Variants in INSR observed in about 807,000 individuals in gnomAD.
INSR encodes the protein insulin receptor.
In INSR, 67 loss-of-function variants were observed where a neutral mutation model predicts 142.6. That is an observed-to-expected ratio of 0.47 (90% CI 0.39 to 0.58). INSR has a LOEUF of 0.58. Among genes scored for constraint, INSR ranks in the 20% least tolerant of loss-of-function variants. The pLI is 0.00. For synonymous variants in INSR, 756 were observed against 743.1 expected (o/e 1.02, Z -0.28); for missense variants, 1,248 against 1,833.2 (o/e 0.68, Z 5.83).
Position 7,143,197 on chromosome 19 carries a change from G to A in INSR, c.2268-107C>T, listed in dbSNP as rs576105592. ...GATTAAGAAGAAAGATCAGAGCGCA[G>A]GAGGGTGCAGCAATGGGGAACATGG... On this transcript the variant is annotated intron_variant, in intron 11 of 21. Transcript: ENST00000302850. The A allele has an allele frequency of 4.5e-5, 57 of 1,274,666 alleles. No individual in the cohort carries two copies. The Admixed American group carries it at 6.0e-4, about 13-fold the overall frequency. The allele number at this position is 1,274,666 out of a possible 1,614,324, so 79.0% of individuals were successfully genotyped here. A position where few individuals can be genotyped will look rare whatever the true frequency, so the allele number is the denominator to read the frequency against.
In INSR at chr19:7,128,876, C is replaced by A. The variant is rs1338633408; in HGVS notation, c.2921G>T (p.Ser974Ile). 2 of 1,613,576 alleles carry A rather than the reference C, an allele frequency of 1.2e-6. No individual in the cohort carries two copies. Among genetic ancestry groups the A allele is most frequent in the East Asian group, 2.2e-5 (1 of 44,898 alleles). ...CCTCTTTCTCAGGAATAGATAAATA[C>A]TTCCAATCACAACACTGAAGAGAAA... ...FVFLFSVVIGSIYLFLRKRQP... is the reference protein window; with the variant it reads ...FVFLFSVVIGIIYLFLRKRQP... The change falls in exon 15 of 22, where the codon AGT becomes ATT. Residue 974 changes from serine (S) to isoleucine (I), a missense_variant. Ser to Ile is a moderately radical substitution (Grantham distance 142). This residue lies in a region of INSR where 1,069 missense variants were observed against 1,654.0 expected (regional missense o/e 0.65). Transcript: ENST00000302850.
intron 1 of INSR, 79 bp downstream of exon 1, chr19:7,293,713 C>A: frequency 8.5e-7 from 1 of 1,178,726 alleles, no homozygotes; most frequent in Non-Finnish European, 1.1e-6. Flanking sequence ...AGTCCACAAG[C>A]GGGGGCTCGA....
intron 2 of INSR, among the ~76,000 whole-genome samples, chr19:7,253,517 C>T (rs1412974058): frequency 1.3e-5 from 2 of 152,040 alleles, no homozygotes; most frequent in Non-Finnish European, 2.9e-5. Context: ...GGATTACAGG[C>T]GTGTGCCTGG....
At chr19:7,289,018 G>C (rs946721814) in intron 1 of INSR, among the ~76,000 whole-genome samples, 1 of 151,318 alleles carries the variant, frequency 6.6e-6, no homozygotes, top group African/African-American at 2.4e-5. Flanking sequence ...TGGGAAGAGA[G>C]AGCCAACATC....
At chr19:7,152,553 G>A in intron 10 of INSR, 173 bp downstream of exon 10, 1 of 699,642 alleles carries the variant, frequency 1.4e-6, no homozygotes, top group Non-Finnish European at 2.6e-6. Context: ...AATTCCCCTC[G>A]AAATTTCGAA....
intron 11 of INSR, among the ~76,000 whole-genome samples, chr19:7,148,882 C>T (rs576021902): frequency 3.5e-4 from 53 of 150,634 alleles, no homozygotes; most frequent in African/African-American, 4.9e-4. Flanking sequence ...GCAAGCTCCG[C>T]GTCCCAGGTT....
chr19:7,210,916 G>C (rs1334800327), intron 2 of INSR, among the ~76,000 whole-genome samples: 8 of 151,196 alleles, frequency 5.3e-5, no homozygotes, highest in Admixed American at 5.3e-4. Flanking sequence ...TTTTAGTAGA[G>C]ACAGGGTTTC....
intron 9 of INSR, among the ~76,000 whole-genome samples, chr19:7,161,236 G>A (rs1382033084): frequency 6.8e-6 from 1 of 148,148 alleles, no homozygotes; most frequent in Non-Finnish European, 1.5e-5. Context: ...TGCACTTAAT[G>A]CCTTTTTTTT....
chr19:7,250,156 CGAAAGAAAAGAAA>C (rs1568217681), intron 2 of INSR, among the ~76,000 whole-genome samples: 1 of 138,756 alleles, frequency 7.2e-6, no homozygotes, highest in African/African-American at 2.7e-5. Context: ...AAGACCCTGT[CGAAAGAAAAGAAA>C]GAAAGAAAAG....
chr19:7,137,541 A>G (rs1231953984), intron 13 of INSR, among the ~76,000 whole-genome samples: 1 of 152,080 alleles, frequency 6.6e-6, no homozygotes, highest in Non-Finnish European at 1.5e-5. Flanking sequence ...TAATCCCAGC[A>G]CTTTGGGATG....
chr19:7,208,650 G>A (rs1330817403), intron 2 of INSR, among the ~76,000 whole-genome samples: 1 of 151,776 alleles, frequency 6.6e-6, no homozygotes, highest in Non-Finnish European at 1.5e-5. Flanking sequence ...CGGGTGGATC[G>A]CTTGAGCCCA....
intron 5 of INSR, among the ~76,000 whole-genome samples, chr19:7,171,890 A>G (rs1974022429): frequency 6.6e-6 from 1 of 151,554 alleles, no homozygotes; most frequent in African/African-American, 2.4e-5. Flanking sequence ...GATTTTTAAA[A>G]AATCCTTAAG....
chr19:7,202,148 T>G (rs939247296), intron 2 of INSR, among the ~76,000 whole-genome samples: 2 of 152,234 alleles, frequency 1.3e-5, no homozygotes, highest in African/African-American at 4.8e-5. Context: ...CAGTGGAAAC[T>G]TGGCTCGTGC....
At chr19:7,231,112 T>C (rs1030373851) in intron 2 of INSR, among the ~76,000 whole-genome samples, 4 of 152,094 alleles carry the variant, frequency 2.6e-5, no homozygotes, top group African/African-American at 9.7e-5. Flanking sequence ...AAACTCACAA[T>C]TGCCCACTTA....
chr19:7,182,911 A>G (rs1294897886), intron 3 of INSR, among the ~76,000 whole-genome samples: 1 of 151,496 alleles, frequency 6.6e-6, no homozygotes, highest in Non-Finnish European at 1.5e-5. Context: ...CACTGGCCAA[A>G]AAAAAAAAAA....
chr19:7,253,661 C>T (rs1976802588), intron 2 of INSR, among the ~76,000 whole-genome samples: 1 of 152,158 alleles, frequency 6.6e-6, no homozygotes, highest in African/African-American at 2.4e-5. Flanking sequence ...GATAGGTAAC[C>T]AGGGAGCAGA....
chr19:7,130,788 CTTCTTTCTTT>C (rs1277949919), intron 14 of INSR, among the ~76,000 whole-genome samples: 2 of 151,850 alleles, frequency 1.3e-5, no homozygotes, highest in Non-Finnish European at 2.9e-5. Flanking sequence ...TCTCTCTTCT[CTTCTTTCTTT>C]TTCTTTCTTT....
At chr19:7,200,050 G>C (rs1239723243) in intron 2 of INSR, among the ~76,000 whole-genome samples, 1 of 152,168 alleles carries the variant, frequency 6.6e-6, no homozygotes, top group Non-Finnish European at 1.5e-5. Context: ...ACAGTTCAGA[G>C]TTGATGAAGG....
Position 7,150,664 on chromosome 19 carries a change from A to G in INSR, c.2232-132T>C. On this transcript the variant is annotated intron_variant, in intron 10 of 21. Coordinates refer to ENST00000302850, the MANE Select transcript of INSR (RefSeq NM_000208.4). The surrounding 1 kb of genome is among the most constrained non-coding windows in gnomAD (Gnocchi z 4.2). ...CTTTGACCCTGGACCACTCGCTCCC[A>G]TCACTTGCTAGACGGAGTGAGCTAC... The G allele has an allele frequency of 1.3e-6, 1 of 788,732 alleles. No individual in the cohort carries two copies. Among genetic ancestry groups the G allele is most frequent in the Non-Finnish European group, 2.2e-6 (1 of 451,218 alleles). 48.9% of individuals were successfully genotyped at this position (788,732 alleles called of 1,614,324 possible).
Sources: allele counts gnomAD v4.1 joint callset (sites outside exome capture counted in the v4.1 genomes callset), GRCh38; gene constraint gnomAD v4.1.1; regional missense constraint gnomAD v4.1.1; non-coding constraint Gnocchi (gnomAD v3.1); transcripts MANE v1.5; gene names NCBI Gene and HGNC (gene_info 2026-07-23, HGNC 2026-07-21).